The following ADAM10 variants were observed in gnomAD, a reference collection of about 807,000 sequenced individuals.
The protein encoded by ADAM10 is ADAM metallopeptidase domain 10.
ADAM10 carries 17 observed loss-of-function variants against 90.1 expected under a neutral mutation model. The ratio of observed to expected loss-of-function variants is 0.19; its 90% CI spans 0.13 to 0.28. The LOEUF is 0.28. Among genes scored for constraint, ADAM10 ranks in the 10% least tolerant of loss-of-function variants. The pLI is 1.00. For missense variants in ADAM10, 610 were observed against 914.3 expected (o/e 0.67, Z 4.29); for synonymous variants, 310 against 298.6 (o/e 1.04, Z -0.40).
At chr15:58,602,841 C>T (rs534642139) in intron 14 of ADAM10, among the ~76,000 whole-genome samples, 27 of 152,162 alleles carry the variant, frequency 1.8e-4, no homozygotes, top group African/African-American at 5.5e-4. Context: ...ATTGCAGGGA[C>T]GGCAAACTCA....
intron 1 of ADAM10, among the ~76,000 whole-genome samples, chr15:58,735,476 T>C (rs1171957893): frequency 6.6e-6 from 1 of 152,204 alleles, no homozygotes; most frequent in African/African-American, 2.4e-5. Flanking sequence ...AATCCATTGA[T>C]GCTCAAATCC....
In ADAM10 at chr15:58,730,588, T is replaced by G. The variant is rs1388002921; in HGVS notation, c.56-12861A>C. On this transcript the variant is annotated intron_variant, in intron 1 of 15. Transcript: ENST00000260408. ...TTGGTTATAATTCACCTTTTTTTCC[T>G]CTACAAGAGGAATACTAACCTGAAA... 3.3e-5 allele frequency among the ~76,000 whole-genome samples: 5 copies of G among 152,316 alleles called. No individual in the cohort carries two copies. The East Asian group carries it at 9.6e-4, about 29-fold the overall frequency.
chr15:58,618,031 A>G (rs1895670118), intron 11 of ADAM10, among the ~76,000 whole-genome samples: 1 of 152,180 alleles, frequency 6.6e-6, no homozygotes, highest in African/African-American at 2.4e-5. Context: ...TTCACAGATA[A>G]AGAGAAAACA....
At chr15:58,616,969 C>T (rs1038698100) in intron 11 of ADAM10, among the ~76,000 whole-genome samples, 4 of 152,058 alleles carry the variant, frequency 2.6e-5, no homozygotes, top group Admixed American at 1.3e-4. Flanking sequence ...ATTAGCCAGG[C>T]GTGGTGGCAG....
intron 2 of ADAM10, among the ~76,000 whole-genome samples, chr15:58,715,157 C>CA: frequency 1.3e-5 from 2 of 152,194 alleles, no homozygotes; most frequent in Middle Eastern, 6.8e-3. Flanking sequence ...TATGGTGGCT[C>CA]ATGCCTGTAA....
chr15:58,733,905 TTA>T (rs144421848), intron 1 of ADAM10, among the ~76,000 whole-genome samples: 83 of 148,164 alleles, frequency 5.6e-4, no homozygotes, highest in Non-Finnish European at 5.8e-4. Flanking sequence ...TTTCATTACA[TTA>T]TATATATATA....
chr15:58,713,835 A>G (rs577540589), intron 2 of ADAM10, among the ~76,000 whole-genome samples: 14 of 148,056 alleles, frequency 9.5e-5, no homozygotes, highest in African/African-American at 3.0e-4. Context: ...TTTTTCTGAG[A>G]TGAAGTCTTG....
intron 5 of ADAM10, among the ~76,000 whole-genome samples, chr15:58,651,178 G>A (rs1376534981): frequency 6.6e-6 from 1 of 151,890 alleles, no homozygotes; most frequent in African/African-American, 2.4e-5. Context: ...TACTTTGATA[G>A]GAATGCAATG....
At chr15:58,686,401 C>T (rs560265470) in intron 2 of ADAM10, 2 of 1,136,626 alleles carry the variant, frequency 1.8e-6, no homozygotes, top group Non-Finnish European at 2.6e-6. Context: ...CGGAGCCCAG[C>T]GCCGCCACCA....
chr15:58,726,511 G>A (rs539277470), intron 1 of ADAM10, among the ~76,000 whole-genome samples: 1 of 126,674 alleles, frequency 7.9e-6, no homozygotes, highest in African/African-American at 3.0e-5. Context: ...GTTGCAGTGA[G>A]CCGAGATCGC....
chr15:58,720,794 T>C (rs570502634), intron 1 of ADAM10, among the ~76,000 whole-genome samples: 1 of 152,354 alleles, frequency 6.6e-6, no homozygotes, highest in South Asian at 2.1e-4. Flanking sequence ...AAATGTAGTA[T>C]AATTGAGTTT....
At chr15:58,670,567 A>C (rs1292249179) in intron 4 of ADAM10, among the ~76,000 whole-genome samples, 1 of 152,142 alleles carries the variant, frequency 6.6e-6, no homozygotes, top group African/African-American at 2.4e-5. Flanking sequence ...CATTTAAAGG[A>C]AAAATGTAGA....
At chr15:58,715,754 A>G (rs1470799300) in intron 2 of ADAM10, among the ~76,000 whole-genome samples, 8 of 152,162 alleles carry the variant, frequency 5.3e-5, no homozygotes, top group African/African-American at 1.9e-4. Flanking sequence ...TCTCTCACTC[A>G]CTGACACACA....
At chr15:58,626,883 G>T (rs898706664) in intron 10 of ADAM10, among the ~76,000 whole-genome samples, 2 of 152,032 alleles carry the variant, frequency 1.3e-5, no homozygotes, top group African/African-American at 2.4e-5. Flanking sequence ...AAGAGTGAAT[G>T]TAATTGATTA....
At position 58,611,925 on chromosome 15, in the gene ADAM10, A is replaced by C; in HGVS notation, c.1578T>G (p.Asp526Glu). Residue 526 changes from aspartate to glutamate, a missense_variant, in exon 12 of 16, where the codon GAT (aspartate) becomes GAG (glutamate). Around this residue, in one of 4 missense-constraint regions of ADAM10, gnomAD observed 53 missense variants for 62.0 expected, o/e 0.85. Transcript: ENST00000260408. ...AFKSKSEKCRDDSDCAREGIC... is the reference protein window; with the variant it reads ...AFKSKSEKCREDSDCAREGIC... ...TTCCTTCCCTTGCACAGTCTGAATC[A>C]TCCCGACACTTCTCAGACTTTGACT... 6.2e-7 allele frequency: 1 copy of C among 1,614,216 alleles called. No homozygotes were observed. The highest frequency in any genetic ancestry group is 8.5e-7 in the Non-Finnish European group (1 of 1,180,038).
In ADAM10 at chr15:58,729,224, T is replaced by C. The variant is rs547087626; in HGVS notation, c.56-11497A>G. On this transcript the variant is annotated intron_variant, in intron 1 of 15. Coordinates refer to ENST00000260408, the MANE Select transcript of ADAM10 (RefSeq NM_001110.4). Reference sequence around the variant, plus strand: ...TAAAAAAAAGAAAGAAAAGAAAATATGGAGGCCTACTACTCACTATGTGTT... The same window carrying C: ...TAAAAAAAAGAAAGAAAAGAAAATACGGAGGCCTACTACTCACTATGTGTT... Among the ~76,000 whole-genome samples, 4 of 152,258 alleles carry C rather than the reference T, an allele frequency of 2.6e-5. No individual in the cohort carries two copies. In the East Asian group the frequency reaches 7.7e-4, roughly 29 times the overall value.
Position 58,696,429 on chromosome 15 carries a change from T to C in ADAM10, c.207-14115A>G, listed in dbSNP as rs369121458. ...GTTAAGAACACTTGAAGTAGGCCCC[T>C]TACAGCCTTGATACTGATTTCTTTT... On this transcript the variant is annotated intron_variant, in intron 2 of 15. Transcript: ENST00000260408. 1.4e-4 allele frequency among the ~76,000 whole-genome samples: 22 copies of C among 152,034 alleles called. No individual in the cohort carries two copies. In the South Asian group the frequency reaches 4.4e-3, roughly 30 times the overall value.
intron 2 of ADAM10, among the ~76,000 whole-genome samples, chr15:58,715,772 G>C (rs1898640011): frequency 6.6e-6 from 1 of 152,148 alleles, no homozygotes; most frequent in Non-Finnish European, 1.5e-5. Flanking sequence ...ACACACAAAG[G>C]AGCTAGGGAT....
intron 10 of ADAM10, among the ~76,000 whole-genome samples, chr15:58,623,755 T>A (rs1010374225): frequency 6.6e-6 from 1 of 150,390 alleles, no homozygotes; most frequent in Non-Finnish European, 1.5e-5. Context: ...TAAGTGGGAG[T>A]TGAACAATGA....
Sources: allele counts gnomAD v4.1 joint callset (sites outside exome capture counted in the v4.1 genomes callset), GRCh38; gene constraint gnomAD v4.1.1; regional missense constraint gnomAD v4.1.1; transcripts MANE v1.5; gene names NCBI Gene and HGNC (gene_info 2026-07-23, HGNC 2026-07-21).